GMDS: variants seen among roughly 807,000 people sequenced by gnomAD.
The protein encoded by GMDS is GDP-mannose 4,6-dehydratase.
In GMDS, 20 loss-of-function variants were observed where a neutral mutation model predicts 49.9. The ratio of observed to expected loss-of-function variants is 0.40; its 90% CI spans 0.28 to 0.58. The LOEUF is 0.58. GMDS is among the 20% of genes least tolerant of loss of function. The pLI is 0.42. For missense variants in GMDS, 362 were observed against 481.4 expected (o/e 0.75, Z 2.32); for synonymous variants, 177 against 178.6 (o/e 0.99, Z 0.07).
At chr6:1,944,940 G>A (rs1763005893) in intron 6 of GMDS, among the ~76,000 whole-genome samples, 1 of 152,070 alleles carries the variant, frequency 6.6e-6, no homozygotes, top group Non-Finnish European at 1.5e-5. Flanking sequence ...GCAATACCCT[G>A]AAAACAAATA....
intron 8 of GMDS, among the ~76,000 whole-genome samples, chr6:1,737,080 C>G (rs1040578608): frequency 6.6e-6 from 1 of 152,194 alleles, no homozygotes; most frequent in South Asian, 2.1e-4. Flanking sequence ...TGCATGAGCA[C>G]AAAACAGCTT....
intron 1 of GMDS, among the ~76,000 whole-genome samples, chr6:2,171,558 T>C (rs1169581599): frequency 2.0e-5 from 3 of 152,318 alleles, no homozygotes; most frequent in African/African-American, 7.2e-5. Context: ...AATTTACCTA[T>C]GTATCTCTAG....
intron 4 of GMDS, among the ~76,000 whole-genome samples, chr6:2,097,540 C>T (rs1562051429): frequency 1.3e-5 from 2 of 152,140 alleles, no homozygotes; most frequent in Non-Finnish European, 2.9e-5. Context: ...GTTTTCCCCC[C>T]TTAAACTGCT....
At chr6:2,117,010 A>C (rs1177276724) in intron 3 of GMDS, among the ~76,000 whole-genome samples, 1 of 152,236 alleles carries the variant, frequency 6.6e-6, no homozygotes, top group Non-Finnish European at 1.5e-5. Context: ...AAATGCTGAC[A>C]ATGATCAGTC....
At chr6:1,918,861 T>C (rs939601221) in intron 7 of GMDS, among the ~76,000 whole-genome samples, 16 of 121,316 alleles carry the variant, frequency 1.3e-4, no homozygotes, top group African/African-American at 4.2e-4. Context: ...TAGACGTTAC[T>C]TCCTTTCATT....
At position 2,183,992 on chromosome 6, in the gene GMDS, T is replaced by C. The variant is rs150049573; in HGVS notation, c.103-59261A>G. ...ACATATATGCACAACATAACTTATA[T>C]ATGCATAAGTTATATATAACTTGTA... On this transcript the variant is annotated intron_variant, in intron 1 of 10. Coordinates refer to ENST00000380815, the MANE Select transcript of GMDS (RefSeq NM_001500.4). 5.7e-3 allele frequency among the ~76,000 whole-genome samples: 864 copies of C among 152,342 alleles called. 2 individuals are homozygous for C. Among genetic ancestry groups the C allele is most frequent in the Middle Eastern group, 0.017 (5 of 294 alleles).
At chr6:1,714,314 G>T (rs769461380) in intron 9 of GMDS, among the ~76,000 whole-genome samples, 1 of 151,812 alleles carries the variant, frequency 6.6e-6, no homozygotes, top group Non-Finnish European at 1.5e-5. Context: ...CACTGTGCCC[G>T]GCCTCACTTT....
intron 1 of GMDS, among the ~76,000 whole-genome samples, chr6:2,125,540 G>A (rs1042960261): frequency 1.3e-5 from 2 of 152,124 alleles, no homozygotes; most frequent in Admixed American, 1.3e-4. Flanking sequence ...GCTGGAGTAA[G>A]CCATGATTGC....
chr6:2,143,215 G>A (rs1776392331), intron 1 of GMDS, among the ~76,000 whole-genome samples: 1 of 152,198 alleles, frequency 6.6e-6, no homozygotes, highest in Non-Finnish European at 1.5e-5. Flanking sequence ...CCCTGATGAT[G>A]TCTACAACTT....
chr6:2,054,706 A>AG (rs1770678697), intron 4 of GMDS, among the ~76,000 whole-genome samples: 2 of 151,954 alleles, frequency 1.3e-5, no homozygotes, highest in Non-Finnish European at 2.9e-5. Flanking sequence ...ACCACCCATG[A>AG]GTCTGAGTTT....
intron 4 of GMDS, among the ~76,000 whole-genome samples, chr6:1,980,983 T>G (rs1765190859): frequency 6.6e-6 from 1 of 152,138 alleles, no homozygotes; most frequent in African/African-American, 2.4e-5. Flanking sequence ...AAGAAGTTCT[T>G]TGAAACTAAT....
intron 4 of GMDS, among the ~76,000 whole-genome samples, chr6:1,972,789 G>A (rs1448680411): frequency 6.6e-6 from 1 of 152,130 alleles, no homozygotes; most frequent in Non-Finnish European, 1.5e-5. Context: ...GCCCATCACT[G>A]CTTAAGTTCC....
intron 4 of GMDS, among the ~76,000 whole-genome samples, chr6:2,086,450 C>T (rs1322917889): frequency 3.3e-5 from 5 of 152,180 alleles, no homozygotes; most frequent in African/African-American, 9.7e-5. Context: ...AAATCCAGAC[C>T]TTTCAAGGCA....
intron 1 of GMDS, among the ~76,000 whole-genome samples, chr6:2,190,362 T>C (rs1164779766): frequency 6.6e-6 from 1 of 152,256 alleles, no homozygotes; most frequent in African/African-American, 2.4e-5. Context: ...TAATATACTG[T>C]GAAATTCACA....
At chr6:1,990,804 G>A (rs1678006228) in intron 4 of GMDS, among the ~76,000 whole-genome samples, 1 of 149,660 alleles carries the variant, frequency 6.7e-6, no homozygotes, top group South Asian at 2.1e-4. Flanking sequence ...AGTTGGTCTC[G>A]AACTCCTGGG....
intron 4 of GMDS, among the ~76,000 whole-genome samples, chr6:2,010,893 A>G (rs970440171): frequency 1.3e-5 from 2 of 152,322 alleles, no homozygotes; most frequent in Middle Eastern, 3.4e-3. Context: ...CTCTTACATT[A>G]TATGGGAAGT....
At chr6:2,037,794 G>A (rs1425252927) in intron 4 of GMDS, among the ~76,000 whole-genome samples, 2 of 152,138 alleles carry the variant, frequency 1.3e-5, no homozygotes, top group African/African-American at 4.8e-5. Flanking sequence ...TCTCAAAGGT[G>A]TTGGCAACCT....
rs778646182 is a variant in GMDS at position 1,624,146 on chromosome 6, C to T, written c.*23G>A. ...CTCTGCGGGGATTGTAGCCGGAGGG[C>T]GGGCCGGGCTCCGAGGCGCTGCTCA... On this transcript the variant is annotated 3_prime_UTR_variant, in exon 11 of 11. Transcript: ENST00000380815. 1.1e-5 allele frequency: 18 copies of T among 1,600,800 alleles called. No homozygotes were observed. In the Admixed American group the frequency reaches 1.5e-4, roughly 13 times the overall value.
At chr6:1,723,155 G>A (rs2113430436) in intron 9 of GMDS, among the ~76,000 whole-genome samples, 1 of 152,224 alleles carries the variant, frequency 6.6e-6, no homozygotes, top group South Asian at 2.1e-4. Flanking sequence ...ACCACTGGTG[G>A]CCTCTTTCAA....
Sources: gnomAD v4.1 joint callset for allele counts (sites outside exome capture counted in the v4.1 genomes callset) on GRCh38, gnomAD v4.1.1 for gene constraint, MANE v1.5 for transcripts, NCBI Gene and HGNC (gene_info 2026-07-23, HGNC 2026-07-21) for gene names.